Variants in INPP5F observed in about 807,000 individuals in gnomAD.
The protein encoded by INPP5F is phosphatidylinositide 4-phosphatase SAC2.
INPP5F carries 97 observed loss-of-function variants against 137.2 expected under a neutral mutation model. The observed-to-expected ratio is 0.71, with a 90% CI of 0.60 to 0.84. INPP5F has a LOEUF of 0.84. INPP5F is among the 40% of genes least tolerant of loss of function. INPP5F has a pLI of 0.00. For synonymous variants in INPP5F, 504 were observed against 476.9 expected (o/e 1.06, Z -0.74); for missense variants, 1,271 against 1,371.9 (o/e 0.93, Z 1.16).
chr10:119,824,213 C>T (rs551740864), intron 19 of INPP5F, among the ~76,000 whole-genome samples: 8 of 152,176 alleles, frequency 5.3e-5, no homozygotes, highest in Non-Finnish European at 1.2e-4. Flanking sequence ...AAGAAAGTAA[C>T]CTTGGCACGG....
intron 9 of INPP5F, 142 bp from the exon 10 acceptor site, chr10:119,804,031 C>T (rs958806406): frequency 5.5e-6 from 3 of 544,536 alleles, no homozygotes; most frequent in Non-Finnish European, 9.1e-6. Flanking sequence ...GGATTAATTT[C>T]TAAGTATGGC....
At chr10:119,806,251 G>T in intron 11 of INPP5F, 109 bp from the exon 12 acceptor site, 2 of 709,404 alleles carry the variant, frequency 2.8e-6, no homozygotes, top group Non-Finnish European at 4.4e-6. Flanking sequence ...GATACACCAA[G>T]CAAATTACAG....
At position 119,797,539 on chromosome 10, in the gene INPP5F, T is replaced by C. The variant is rs754973982; in HGVS notation, c.947T>C (p.Val316Ala). The C allele has an allele frequency of 3.7e-6, 6 of 1,612,908 alleles. No homozygotes were observed. The highest frequency in any genetic ancestry group is 5.1e-6 in the Non-Finnish European group (6 of 1,179,310). ...GTGGAGACTGAGCAGTTGATTCATG[T>C]TCATAATCATACCCTGTCATTTGTT... Reference protein sequence around the residue: ...NYVETEQLIHVHNHTLSFVQT... With the variant: ...NYVETEQLIHAHNHTLSFVQT... Residue 316 changes from valine (V) to alanine (A), a missense_variant, in exon 8 of 20, where the codon GTT (valine) becomes GCT (alanine). By Grantham distance (64) the Val-to-Ala change is moderately conservative. This residue lies in a region of INPP5F where 593 missense variants were observed against 712.4 expected (regional missense o/e 0.83). Transcript: ENST00000650623.
chr10:119,770,138 T>A (rs1197800439), intron 2 of INPP5F, among the ~76,000 whole-genome samples: 1 of 152,162 alleles, frequency 6.6e-6, no homozygotes, highest in Non-Finnish European at 1.5e-5. Context: ...TCAGTTTTTT[T>A]TATCTTGCTG....
chr10:119,785,286 G>GTTGTTTTTTTTTTT (rs770290302), intron 3 of INPP5F, among the ~76,000 whole-genome samples: 4 of 106,228 alleles, frequency 3.8e-5, no homozygotes, highest in African/African-American at 1.5e-4. Flanking sequence ...CTGCCAGACT[G>GTTGTTTTTTTTTTT]TTTTTTTTTT....
Position 119,726,344 on chromosome 10 carries a change from C to T in INPP5F, c.82C>T (p.Leu28Phe), listed in dbSNP as rs1244648703. The T allele has an allele frequency of 6.9e-7, 1 of 1,443,234 alleles. No homozygotes were observed. Among genetic ancestry groups the T allele is most frequent in the Non-Finnish European group, 9.2e-7 (1 of 1,092,476 alleles). 89.4% of individuals were successfully genotyped at this position (1,443,234 alleles called of 1,614,324 possible). ...GTGGTGCAGCCGCCGCGACGGCGGC[C>T]TCCAGCTCCGACCCGGTGAGGCTGG... ...ALWCSRRDGG[L>F]QLRPATDLLL... The change falls in exon 1 of 20, where the codon CTC becomes TTC. Residue 28 changes from leucine to phenylalanine, a missense_variant. This residue lies in a region of INPP5F where 109 missense variants were observed against 105.1 expected (regional missense o/e 1.04). Coordinates refer to ENST00000650623, the MANE Select transcript of INPP5F (RefSeq NM_014937.4).
intron 2 of INPP5F, among the ~76,000 whole-genome samples, chr10:119,751,538 C>T (rs1848690388): frequency 6.6e-6 from 1 of 152,182 alleles, no homozygotes; most frequent in African/African-American, 2.4e-5. Flanking sequence ...ATGCAGTCAG[C>T]TCTGCCAGAG....
intron 8 of INPP5F, 84 bp from the exon 9 acceptor site, chr10:119,798,459 T>G: frequency 1.1e-6 from 1 of 898,048 alleles, no homozygotes. Context: ...ATAAATTATT[T>G]AAAAGTAAGA....
intron 2 of INPP5F, among the ~76,000 whole-genome samples, chr10:119,765,568 G>C (rs1849133051): frequency 6.9e-6 from 1 of 145,018 alleles, no homozygotes; most frequent in African/African-American, 2.6e-5. Flanking sequence ...TTTTTGTAGA[G>C]ATGGGGTTTT....
At position 119,823,122 on chromosome 10, in the gene INPP5F, A is replaced by G; in HGVS notation, c.2084A>G (p.His695Arg). The G allele has an allele frequency of 6.2e-7, 1 of 1,614,160 alleles. No homozygotes were observed. The highest frequency in any genetic ancestry group is 8.5e-7 in the Non-Finnish European group (1 of 1,179,982). ...CCAAAGTTCTCCTGCATGCGACTGC[A>G]CTACAGATACAAAGAAGCGAGTGGC... ...GKPKFSCMRL[H>R]YRYKEASGYF... Residue 695 changes from histidine (H) to arginine (R), a missense_variant, in exon 18 of 20, where the codon CAC becomes CGC. This residue lies in a region of INPP5F where 593 missense variants were observed against 712.4 expected (regional missense o/e 0.83). Coordinates refer to ENST00000650623, the MANE Select transcript of INPP5F (RefSeq NM_014937.4).
rs777627578 is a variant in INPP5F at position 119,823,140 on chromosome 10, C to A, written c.2102C>A (p.Ala701Glu). ...CMRLHYRYKE[A>E]SGYFHTLRAV... is the part of the protein sequence containing the mutation. The stretch of plus-strand genomic sequence containing the variant: ...CGACTGCACTACAGATACAAAGAAG[C>A]GAGTGGCTATTTCCACACATTGCGA... The change falls in exon 18 of 20, where the codon GCG (alanine) becomes GAG (glutamate). Residue 701 changes from alanine (A) to glutamate (E), a missense_variant. Transcript: ENST00000650623. The A allele has an allele frequency of 1.2e-6, 2 of 1,613,986 alleles. No individual in the cohort carries two copies. The highest frequency in any genetic ancestry group is 1.7e-6 in the Non-Finnish European group (2 of 1,179,916).
At chr10:119,726,386 C>T (rs991683461) in intron 1 of INPP5F, 27 bp downstream of exon 1, 3 of 1,247,936 alleles carry the variant, frequency 2.4e-6, no homozygotes, top group Admixed American at 8.4e-5. Flanking sequence ...GGGCGGGGGG[C>T]ACCCCGGGCC....
chr10:119,795,469 C>T (rs1850337556), intron 6 of INPP5F, among the ~76,000 whole-genome samples: 1 of 151,138 alleles, frequency 6.6e-6, no homozygotes, highest in Non-Finnish European at 1.5e-5. Flanking sequence ...CTCCCCACCT[C>T]TCAGACGATG....
rs766793915 is a variant in INPP5F at position 119,826,934 on chromosome 10, G to A, written c.2553G>A (p.Met851Ile). Residue 851 changes from methionine to isoleucine, a missense_variant, in exon 20 of 20, where the codon ATG becomes ATA. By Grantham distance (10) the Met-to-Ile change is conservative. Around this residue, in one of 6 missense-constraint regions of INPP5F, gnomAD observed 490 missense variants for 443.7 expected, o/e 1.10. Coordinates refer to ENST00000650623, the MANE Select transcript of INPP5F (RefSeq NM_014937.4). ...DKVQAESDGDMSSDNDSYHSD... is the reference protein window; with the variant it reads ...DKVQAESDGDISSDNDSYHSD... ...TTCAGGCAGAGTCTGATGGGGACAT[G>A]TCTTCAGATAATGACTCATACCACT... 1 of 1,613,786 alleles carries A rather than the reference G, an allele frequency of 6.2e-7. No individual in the cohort carries two copies. The highest frequency in any genetic ancestry group is 1.3e-5 in the African/African-American group (1 of 74,924).
intron 2 of INPP5F, among the ~76,000 whole-genome samples, chr10:119,760,090 A>G (rs1186847960): frequency 6.6e-6 from 1 of 152,206 alleles, no homozygotes; most frequent in Non-Finnish European, 1.5e-5. Context: ...ATTCCTGAGC[A>G]TATCTCTAAG....
At position 119,787,582 on chromosome 10, in the gene INPP5F, A is replaced by C. The variant is rs1035039499; in HGVS notation, c.316-3935A>C. ...GACAGAGTGCGACTCTGTCTCAAAG[A>C]AGGAAAGAAGGAAGGAAGGAAAGGA... On this transcript the variant is annotated intron_variant, in intron 3 of 19. Coordinates refer to ENST00000650623, the MANE Select transcript of INPP5F (RefSeq NM_014937.4). The surrounding 1 kb of genome is among the most constrained non-coding windows in gnomAD (Gnocchi z 4.1). Among the ~76,000 whole-genome samples, 1 of 150,798 alleles carries C rather than the reference A, an allele frequency of 6.6e-6. No individual in the cohort carries two copies. Among genetic ancestry groups the C allele is most frequent in the Non-Finnish European group, 1.5e-5 (1 of 67,720 alleles).
intron 1 of INPP5F, among the ~76,000 whole-genome samples, chr10:119,728,690 A>T (rs182932571): frequency 1.2e-4 from 18 of 152,352 alleles, no homozygotes; most frequent in Non-Finnish European, 2.4e-4. Flanking sequence ...AGGATAAGTA[A>T]TGATGATATT....
At chr10:119,791,735 A>G in intron 4 of INPP5F, 90 bp downstream of exon 4, 1 of 1,393,436 alleles carries the variant, frequency 7.2e-7, no homozygotes, top group South Asian at 1.3e-5. Context: ...TTATTTTTAA[A>G]CCATTTGTTG....
intron 1 of INPP5F, among the ~76,000 whole-genome samples, chr10:119,750,679 G>C (rs1005341311): frequency 6.6e-6 from 1 of 152,246 alleles, no homozygotes; most frequent in Non-Finnish European, 1.5e-5. Context: ...TTTCCAGAGT[G>C]TGATCCAGTA....
Sources: gnomAD v4.1 joint callset for allele counts (sites outside exome capture counted in the v4.1 genomes callset) on GRCh38, gnomAD v4.1.1 for gene constraint, gnomAD v4.1.1 regional missense constraint, Gnocchi (gnomAD v3.1) non-coding constraint, MANE v1.5 for transcripts, NCBI Gene and HGNC (gene_info 2026-07-23, HGNC 2026-07-21) for gene names.